Variants in FAM20B observed in about 807,000 individuals in gnomAD.
FAM20B encodes FAM20B glycosaminoglycan xylosylkinase.
FAM20B carries 23 observed loss-of-function variants against 43.8 expected under a neutral mutation model. That is an observed-to-expected ratio of 0.53 (90% confidence interval 0.38 to 0.74). The LOEUF (loss-of-function observed/expected upper bound fraction) is 0.74. Among genes scored for constraint, FAM20B ranks in the 30% least tolerant of loss-of-function variants. FAM20B has a pLI of 0.00. For synonymous variants in FAM20B, 178 were observed against 192.4 expected, an observed-to-expected ratio of 0.93 and a Z score of 0.62; for missense variants, 440 against 510.5, an observed-to-expected ratio of 0.86 and a Z score of 1.33.
chr1:179,058,999 AT>A (rs1651346517), intron 4 of FAM20B, among the ~76,000 whole-genome samples: 1 of 152,180 alleles, frequency 6.6e-6, no homozygotes, highest in Admixed American at 6.5e-5. Flanking sequence ...GCAGAGAAAG[AT>A]AATGAATTTA....
At chr1:179,036,186 T>C (rs566238988) in intron 1 of FAM20B, among the ~76,000 whole-genome samples, 30 of 152,142 alleles carry the variant, frequency 2.0e-4, no homozygotes, top group Non-Finnish European at 3.7e-4. Context: ...ATATAGCTGA[T>C]GGAGCTCAGG....
chr1:179,024,571 A>G (rs907261869), upstream of FAM20B, among the ~76,000 whole-genome samples: 8 of 152,172 alleles, frequency 5.3e-5, no homozygotes, highest in African/African-American at 1.9e-4. Context: ...TCCGGCCAGA[A>G]AACGACCTCC....
intron 7 of FAM20B, among the ~76,000 whole-genome samples, chr1:179,069,633 A>G (rs1015792742): frequency 4.3e-4 from 65 of 152,144 alleles, no homozygotes; most frequent in African/African-American, 1.4e-3. Context: ...TGGCCTCCCA[A>G]AGTGCTGGGA....
chr1:179,061,191 GC>G (rs1261242685), intron 4 of FAM20B, among the ~76,000 whole-genome samples: 1 of 146,844 alleles, frequency 6.8e-6, no homozygotes, highest in African/African-American at 2.5e-5. Context: ...TGATCCTCTC[GC>G]CTCAGCCTTC....
rs551466963 is a variant in FAM20B, at chr1:179,040,740, C to T, written c.-133-2975C>T. Among the ~76,000 whole-genome samples the T allele has an allele frequency of 2.0e-3, 297 of 149,022 alleles. 2 individuals carry two copies. The highest frequency in any genetic ancestry group is 7.0e-3 in the African/African-American group (281 of 39,952). The stretch of plus-strand genomic sequence containing the variant: ...CCCACCTCCCTCCCGGACGGGGCGG[C>T]TGGCCTGGCGGGGGCTGACCCCCAC... On this transcript the variant is annotated intron_variant, in intron 1 of 7. Coordinates refer to ENST00000263733, the MANE Select transcript of FAM20B (RefSeq NM_014864.4).
chr1:179,070,605 A>G (rs1231529817), intron 7 of FAM20B, among the ~76,000 whole-genome samples: 1 of 133,768 alleles, frequency 7.5e-6, no homozygotes, highest in Non-Finnish European at 1.5e-5. Context: ...GCTCACTGCA[A>G]CCTCCACCTC....
At position 179,043,764 on chromosome 1, in the gene FAM20B, T is replaced by C. The variant is rs1290711032; in HGVS notation, c.-84T>C. ...AGAAATGGACCAATGTGTATAATCA[T>C]GGAATCTCCTTGCTAACCATCACCA... On this transcript the variant is annotated 5_prime_UTR_variant, in exon 2 of 8. An upstream start codon of the reference 5' UTR is lost. Transcript: ENST00000263733. The C allele has an allele frequency of 1.5e-6, 2 of 1,360,238 alleles. No homozygotes were observed. The highest frequency in any genetic ancestry group is 2.3e-5 in the East Asian group (1 of 43,064). 84.3% of individuals were successfully genotyped at this position (1,360,238 alleles called of 1,614,324 possible).
At chr1:179,059,826 G>A (rs1651381307) in intron 4 of FAM20B, among the ~76,000 whole-genome samples, 1 of 152,054 alleles carries the variant, frequency 6.6e-6, no homozygotes, top group African/African-American at 2.4e-5. Flanking sequence ...ATAAAAATTA[G>A]CCGGGTGTGG....
chr1:179,056,334 C>CAAA (rs2102512873), intron 4 of FAM20B, among the ~76,000 whole-genome samples: 1 of 152,252 alleles, frequency 6.6e-6, no homozygotes, highest in South Asian at 2.1e-4. Context: ...AACTACTGAT[C>CAAA]TTTTTACTGT....
intron 2 of FAM20B, among the ~76,000 whole-genome samples, chr1:179,048,774 G>T (rs955166062): frequency 6.6e-6 from 1 of 152,202 alleles, no homozygotes; most frequent in Non-Finnish European, 1.5e-5. Flanking sequence ...AGAAACTGGT[G>T]CCCAACCAGA....
At chr1:179,055,945 C>G (rs1438484258) in intron 4 of FAM20B, among the ~76,000 whole-genome samples, 5 of 152,178 alleles carry the variant, frequency 3.3e-5, no homozygotes, top group African/African-American at 9.7e-5. Context: ...CTTAGCATAA[C>G]CTTGTTGTTA....
At position 179,043,815 on chromosome 1, in the gene FAM20B, G is replaced by C; in HGVS notation, c.-33G>C. ...CCAGCTCTCCTTAATACATGAGCAA[G>C]AGTGGGTCAGGGGAGAAGGAAAAGA... On this transcript the variant is annotated 5_prime_UTR_variant, in exon 2 of 8. Transcript: ENST00000263733. 1 of 1,555,782 alleles carries C rather than the reference G, an allele frequency of 6.4e-7. No individual in the cohort carries two copies. Among genetic ancestry groups the C allele is most frequent in the Non-Finnish European group, 8.7e-7 (1 of 1,146,490 alleles).
At chr1:179,070,726 T>C (rs1249576980) in intron 7 of FAM20B, among the ~76,000 whole-genome samples, 2 of 151,574 alleles carry the variant, frequency 1.3e-5, no homozygotes, top group Non-Finnish European at 2.9e-5. Context: ...GGTTTTACCA[T>C]GTTGGCCAGC....
chr1:179,018,465 C>A, the FAM20B span, among the ~76,000 whole-genome samples: 2 of 152,106 alleles, frequency 1.3e-5, no homozygotes, highest in Non-Finnish European at 2.9e-5. Flanking sequence ...CACCATCACG[C>A]CTGGCTAATT....
rs375106861 is a variant in FAM20B, at chr1:179,064,287, G to C, written c.747-18G>C. On this transcript the variant is annotated intron_variant, in intron 5 of 7. Coordinates refer to ENST00000263733, the MANE Select transcript of FAM20B (RefSeq NM_014864.4). ...GTACAGTGTTGTCACTCAGTGCTGTGATGCTGCTTGTCTCCAGGTGGGAGT... is the reference window on the plus strand; with the variant it reads ...GTACAGTGTTGTCACTCAGTGCTGTCATGCTGCTTGTCTCCAGGTGGGAGT... 16 of 1,590,942 alleles carry C rather than the reference G, an allele frequency of 1.0e-5. No individual in the cohort carries two copies. Among genetic ancestry groups the C allele is most frequent in the African/African-American group, 2.7e-5 (2 of 74,564 alleles).
chr1:179,066,686 G>A (rs2102524675), intron 6 of FAM20B, 114 bp from the exon 7 acceptor site: 2 of 723,692 alleles, frequency 2.8e-6, no homozygotes, highest in South Asian at 3.3e-5. Flanking sequence ...AGCTGCTGGA[G>A]CGTGAAATTA....
At chr1:179,050,553 G>A (rs190249124) in intron 3 of FAM20B, among the ~76,000 whole-genome samples, 188 bp downstream of exon 3, 5 of 152,326 alleles carry the variant, frequency 3.3e-5, no homozygotes, top group South Asian at 2.1e-4. Context: ...CAGGAATACT[G>A]AAGTATTTTA....
intron 4 of FAM20B, among the ~76,000 whole-genome samples, chr1:179,059,458 C>G (rs1286252731): frequency 3.3e-5 from 5 of 152,100 alleles, no homozygotes; most frequent in African/African-American, 1.2e-4. Flanking sequence ...TGCCCAGAGT[C>G]TTGCAATCTC....
Position 179,076,496 on chromosome 1 carries a change from T to C in FAM20B, c.*4352T>C, listed in dbSNP as rs2102536456. 6.5e-6 allele frequency: 1 copy of C among 152,730 alleles called. No individual in the cohort carries two copies. The highest frequency in any genetic ancestry group is 1.9e-4 in the East Asian group (1 of 5,192). 9.5% of individuals were successfully genotyped at this position (152,730 alleles called of 1,614,324 possible). A position where few individuals can be genotyped will look rare whatever the true frequency, so the allele number is the denominator to read the frequency against. Reference sequence around the variant, plus strand: ...ATACCAAACAAGACAGATATGGATCTAAATTTCTAATGTGTTCTATGGGTT... The same window carrying C: ...ATACCAAACAAGACAGATATGGATCCAAATTTCTAATGTGTTCTATGGGTT... On this transcript the variant is annotated 3_prime_UTR_variant, in exon 8 of 8. Transcript: ENST00000263733.
Sources: allele counts gnomAD v4.1 joint callset (sites outside exome capture counted in the v4.1 genomes callset), GRCh38; gene constraint gnomAD v4.1.1; transcripts MANE v1.5; gene names NCBI Gene and HGNC (gene_info 2026-07-23, HGNC 2026-07-21).